The following CLASP2 variants were observed in gnomAD, a reference collection of about 807,000 sequenced individuals.
CLASP2 encodes the protein cytoplasmic linker associated protein 2, also known as CLIP-associating protein 2.
In CLASP2, 47 loss-of-function variants were observed where a neutral mutation model predicts 194.4. The ratio of observed to expected loss-of-function variants is 0.24; its 90% CI spans 0.19 to 0.31. The LOEUF (loss-of-function observed/expected upper bound fraction) is 0.31, where lower values mean the gene tolerates loss of function less well. Ranked by LOEUF, CLASP2 falls within the 10% of genes least tolerant of loss-of-function variation. The probability of loss-of-function intolerance (pLI) is 1.00; values close to 1 mark genes in which losing one functional copy is unlikely to be tolerated. For missense variants in CLASP2, 1,445 were observed against 1,823.6 expected (o/e 0.79, Z 3.78); for synonymous variants, 619 against 633.5 (o/e 0.98, Z 0.34).
intron 26 of CLASP2, among the ~76,000 whole-genome samples, chr3:33,569,736 C>A (rs1413784815): frequency 2.0e-5 from 3 of 152,016 alleles, no homozygotes; most frequent in Non-Finnish European, 4.4e-5. Flanking sequence ...ATAGAATAAT[C>A]TTTGAAAATA....
chr3:33,670,302 G>A (rs2086915889), intron 6 of CLASP2, among the ~76,000 whole-genome samples: 1 of 152,064 alleles, frequency 6.6e-6, no homozygotes, highest in Non-Finnish European at 1.5e-5. Flanking sequence ...GTGGCTTCTG[G>A]GATGTTGTAA....
chr3:33,569,784 G>A (rs1457272715), intron 26 of CLASP2, among the ~76,000 whole-genome samples: 1 of 152,012 alleles, frequency 6.6e-6, no homozygotes, highest in African/African-American at 2.4e-5. Flanking sequence ...AAATAATTAA[G>A]TATATCCCCC....
rs546215585 is a variant in CLASP2 at position 33,627,052 on chromosome 3, G to C, written c.971C>G (p.Thr324Arg). Residue 324 changes from threonine (T) to arginine (R), a missense_variant, in exon 10 of 39, where the codon ACA (threonine) becomes AGA (arginine). Transcript: ENST00000682230. ...CAAAATTTCCCTGATTTTATTTAAT[G>C]TTTCTTCGAGTTCTCGACTAGAATA... ...QIYSSRELEETLNKIREILSD... is the reference protein window; with the variant it reads ...QIYSSRELEERLNKIREILSD... The C allele has an allele frequency of 6.3e-7, 1 of 1,577,310 alleles. No individual in the cohort carries two copies. Among genetic ancestry groups the C allele is most frequent in the South Asian group, 1.2e-5 (1 of 86,816 alleles).
intron 9 of CLASP2, among the ~76,000 whole-genome samples, chr3:33,627,695 G>A (rs2078297612): frequency 6.6e-6 from 1 of 152,102 alleles, no homozygotes; most frequent in African/African-American, 2.4e-5. Flanking sequence ...CACTCAGGGA[G>A]ATTTTAAAAA....
chr3:33,555,090 T>TA (rs1208876338), intron 29 of CLASP2, among the ~76,000 whole-genome samples: 4 of 152,072 alleles, frequency 2.6e-5, no homozygotes, highest in Middle Eastern at 3.4e-3. Flanking sequence ...TATTCTTACC[T>TA]AAAAAAAAGA....
intron 8 of CLASP2, among the ~76,000 whole-genome samples, chr3:33,636,698 T>C (rs1317801809): frequency 6.6e-6 from 1 of 152,184 alleles, no homozygotes; most frequent in East Asian, 1.9e-4. Context: ...CCTCCTGGGT[T>C]CAAGCGATTC....
At chr3:33,648,557 A>G (rs2082660627) in intron 7 of CLASP2, among the ~76,000 whole-genome samples, 1 of 152,176 alleles carries the variant, frequency 6.6e-6, no homozygotes, top group Non-Finnish European at 1.5e-5. Flanking sequence ...ATAAAATTTT[A>G]CCCACTTCCA....
chr3:33,604,092 G>T, intron 17 of CLASP2, 62 bp downstream of exon 17: 1 of 1,251,714 alleles, frequency 8.0e-7, no homozygotes, highest in Non-Finnish European at 1.1e-6. Context: ...CATCAAAAGA[G>T]TTTGAAGGCT....
chr3:33,646,344 T>C (rs1304866740), intron 7 of CLASP2, among the ~76,000 whole-genome samples: 1 of 152,052 alleles, frequency 6.6e-6, no homozygotes, highest in Admixed American at 6.5e-5. Flanking sequence ...TGTTTTTAAG[T>C]AATACAACTT....
chr3:33,503,400 G>A (rs1346527423), intron 37 of CLASP2: 1 of 150,950 alleles, frequency 6.6e-6, no homozygotes, highest in Non-Finnish European at 1.5e-5. Context: ...TGGGTTATAT[G>A]ACAATTTTGT....
chr3:33,608,560 T>G lies in CLASP2; in HGVS notation c.1448+7A>C. 1.2e-6 allele frequency: 2 copies of G among 1,606,948 alleles called. No homozygotes were observed. The highest frequency in any genetic ancestry group is 1.7e-5 in the Admixed American group (1 of 59,564). On this transcript the variant is annotated splice_region_variant and intron_variant, in intron 14 of 38. Coordinates refer to ENST00000682230, the MANE Select transcript of CLASP2 (RefSeq NM_001365631.1). Reference sequence around the variant, plus strand: ...GAAAGTGGGAGGAAGGAAGAGGGAATGCATACCTTTCCAATGAATGAGTCT... The same window carrying G: ...GAAAGTGGGAGGAAGGAAGAGGGAAGGCATACCTTTCCAATGAATGAGTCT...
chr3:33,618,279 G>A (rs1002227492), intron 12 of CLASP2, among the ~76,000 whole-genome samples: 2 of 152,074 alleles, frequency 1.3e-5, no homozygotes, highest in African/African-American at 2.4e-5. Context: ...ATATCCTTAA[G>A]AGAAGACTAA....
intron 37 of CLASP2, chr3:33,505,437 A>G (rs1050290218): frequency 6.6e-6 from 1 of 152,206 alleles, no homozygotes; most frequent in Admixed American, 6.5e-5. Flanking sequence ...ATGAAAAAGA[A>G]TGAAGTTGAA....
Position 33,640,403 on chromosome 3 carries a change from T to C in CLASP2, c.862+4354A>G, listed in dbSNP as rs527343184. ...AACAAATAGAAAATATCATAAAGAT[T>C]AGTAAGTACTACTAAATGTAAAATG... On this transcript the variant is annotated intron_variant, in intron 8 of 38. Transcript: ENST00000682230. 3.0e-4 allele frequency among the ~76,000 whole-genome samples: 45 copies of C among 152,292 alleles called. 1 individual carries two copies. In the South Asian group the frequency reaches 7.9e-3, roughly 27 times the overall value.
chr3:33,664,656 T>C (rs1403145972), intron 6 of CLASP2, among the ~76,000 whole-genome samples: 1 of 152,158 alleles, frequency 6.6e-6, no homozygotes, highest in Non-Finnish European at 1.5e-5. Flanking sequence ...TACAACTATT[T>C]ACATATAGAA....
At chr3:33,622,335 A>C in intron 10 of CLASP2, 55 bp from the exon 11 acceptor site, 1 of 1,359,348 alleles carries the variant, frequency 7.4e-7, no homozygotes, top group Non-Finnish European at 9.6e-7. Context: ...AAAAAAAAGA[A>C]GCTACCTAAA....
chr3:33,695,241 G>T (rs66736450), intron 2 of CLASP2, among the ~76,000 whole-genome samples: 34,876 of 88,728 alleles, frequency 0.39, 4,940 homozygotes, highest in Admixed American at 0.46. Flanking sequence ...TTTTTTTTTT[G>T]GTAGAAACAT....
chr3:33,672,414 G>T (rs992648697), intron 6 of CLASP2, among the ~76,000 whole-genome samples: 4 of 152,172 alleles, frequency 2.6e-5, no homozygotes, highest in Non-Finnish European at 5.9e-5. Context: ...CGAACAAACA[G>T]AAAGGACATC....
chr3:33,681,745 C>T (rs2089889887), intron 6 of CLASP2, among the ~76,000 whole-genome samples: 1 of 152,174 alleles, frequency 6.6e-6, no homozygotes, highest in South Asian at 2.1e-4. Flanking sequence ...CACATACATA[C>T]TACTATGGTT....
Sources: gnomAD v4.1 joint callset for allele counts (sites outside exome capture counted in the v4.1 genomes callset) on GRCh38, gnomAD v4.1.1 for gene constraint, MANE v1.5 for transcripts, NCBI Gene and HGNC (gene_info 2026-07-23, HGNC 2026-07-21) for gene names.